The following ATRNL1 variants were observed in gnomAD, a reference collection of about 807,000 sequenced individuals.
ATRNL1 encodes attractin like 1.
A neutral mutation model predicts 182.7 loss-of-function variants in ATRNL1; 95 were observed. The observed-to-expected ratio is 0.52, with a 90% CI of 0.44 to 0.62. ATRNL1 has a LOEUF of 0.62. ATRNL1 is among the 20% of genes least tolerant of loss of function. The probability of loss-of-function intolerance (pLI) is 0.00; values close to 1 mark genes in which losing one functional copy is unlikely to be tolerated. For synonymous variants in ATRNL1, 576 were observed against 568.3 expected, an observed-to-expected ratio of 1.01 and a Z score of -0.19; for missense variants, 1,471 against 1,679.5, an observed-to-expected ratio of 0.88 and a Z score of 2.17.
At chr10:115,107,998 T>C (rs1268800426) in intron 1 of ATRNL1, among the ~76,000 whole-genome samples, 1 of 152,174 alleles carries the variant, frequency 6.6e-6, no homozygotes, top group African/African-American at 2.4e-5. Context: ...CTTCAAGATC[T>C]CTTTCTATCT....
chr10:115,471,356 A>G (rs1554972081), intron 24 of ATRNL1, among the ~76,000 whole-genome samples: 1 of 150,974 alleles, frequency 6.6e-6, no homozygotes. Context: ...CTTTGAATAT[A>G]TCCCCAGTGG....
chr10:115,166,809 G>C (rs1554884467), intron 7 of ATRNL1, among the ~76,000 whole-genome samples: 1 of 151,894 alleles, frequency 6.6e-6, no homozygotes, highest in Non-Finnish European at 1.5e-5. Context: ...CACCTTATCA[G>C]AATATGATTT....
intron 8 of ATRNL1, among the ~76,000 whole-genome samples, chr10:115,188,152 A>G (rs1848027703): frequency 6.6e-6 from 1 of 151,992 alleles, no homozygotes; most frequent in Admixed American, 6.6e-5. Context: ...AATATTGACA[A>G]TTAGGGAATC....
intron 10 of ATRNL1, among the ~76,000 whole-genome samples, chr10:115,247,656 C>A (rs1850703233): frequency 2.0e-5 from 3 of 152,114 alleles, no homozygotes; most frequent in Admixed American, 2.0e-4. Context: ...TACGATCCAG[C>A]AATACCACCA....
rs114910594 is a variant in ATRNL1, at chr10:115,856,774, G to T, written c.4018+8783G>T. ...CGACAGGAGGCGGAGCTCAGGCTGT[G>T]ATGTTCACTCACACCCACCCATTGC... is the stretch of plus-strand genomic sequence containing the variant. On this transcript the variant is annotated intron_variant, in intron 28 of 28. Transcript: ENST00000355044. Among the ~76,000 whole-genome samples the T allele has an allele frequency of 8.2e-4, 125 of 152,260 alleles. 1 individual carries two copies. Among genetic ancestry groups the T allele is most frequent in the African/African-American group, 3.0e-3 (123 of 41,548 alleles).
chr10:115,404,624 C>G (rs1442039817), intron 20 of ATRNL1, among the ~76,000 whole-genome samples: 1 of 152,156 alleles, frequency 6.6e-6, no homozygotes, highest in Non-Finnish European at 1.5e-5. Flanking sequence ...CATATTCTTC[C>G]ATGAGTAATT....
At chr10:115,917,664 T>C (rs1462929942) in intron 28 of ATRNL1, among the ~76,000 whole-genome samples, 1 of 152,142 alleles carries the variant, frequency 6.6e-6, no homozygotes, top group Non-Finnish European at 1.5e-5. Context: ...AAAGCTCATA[T>C]GTGATTAATA....
intron 19 of ATRNL1, among the ~76,000 whole-genome samples, chr10:115,385,116 G>T (rs1554952252): frequency 6.6e-6 from 1 of 151,936 alleles, no homozygotes; most frequent in East Asian, 1.9e-4. Context: ...CACCTTATAG[G>T]AAATTGTCAA....
chr10:115,739,673 A>G (rs1555067119), intron 27 of ATRNL1, among the ~76,000 whole-genome samples: 1 of 152,222 alleles, frequency 6.6e-6, no homozygotes, highest in East Asian at 1.9e-4. Flanking sequence ...ATCCTAATTA[A>G]TACAACTTTC....
intron 18 of ATRNL1, among the ~76,000 whole-genome samples, chr10:115,329,470 G>T (rs529405759): frequency 2.0e-4 from 31 of 152,168 alleles, no homozygotes; most frequent in African/African-American, 7.5e-4. Context: ...CGATTGCTGA[G>T]AGTTGGGTGT....
intron 25 of ATRNL1, among the ~76,000 whole-genome samples, chr10:115,531,653 T>C (rs2133748400): frequency 6.6e-6 from 1 of 151,202 alleles, no homozygotes; most frequent in East Asian, 1.9e-4. Context: ...TTTGTCAATT[T>C]TGGCTTTTGT....
intron 19 of ATRNL1, among the ~76,000 whole-genome samples, chr10:115,373,116 T>G (rs1347141652): frequency 6.6e-6 from 1 of 152,140 alleles, no homozygotes; most frequent in Non-Finnish European, 1.5e-5. Context: ...AAGTATTTTA[T>G]TTTTCATAGC....
intron 8 of ATRNL1, 98 bp downstream of exon 8, chr10:115,171,390 G>A: frequency 9.0e-7 from 1 of 1,115,910 alleles, no homozygotes; most frequent in Non-Finnish European, 1.2e-6. Flanking sequence ...TGAGTTATTT[G>A]AGATTGAAAT....
intron 26 of ATRNL1, among the ~76,000 whole-genome samples, chr10:115,726,141 T>A (rs1947589711): frequency 6.6e-6 from 1 of 152,144 alleles, no homozygotes; most frequent in Non-Finnish European, 1.5e-5. Context: ...AATAAACTTG[T>A]GTTTAAATAA....
At chr10:115,246,468 C>T (rs1016928537) in intron 10 of ATRNL1, among the ~76,000 whole-genome samples, 2 of 152,000 alleles carry the variant, frequency 1.3e-5, no homozygotes, top group African/African-American at 4.8e-5. Flanking sequence ...GTCCCCCTCC[C>T]GAATAAGTTG....
intron 14 of ATRNL1, among the ~76,000 whole-genome samples, chr10:115,281,999 T>TA (rs1852383047): frequency 6.8e-6 from 1 of 146,908 alleles, no homozygotes. Flanking sequence ...CCCAGGGTTT[T>TA]AAAAATATTA....
intron 6 of ATRNL1, 38 bp downstream of exon 6, chr10:115,160,252 C>G: frequency 6.6e-7 from 1 of 1,526,008 alleles, no homozygotes. Flanking sequence ...GTTTTTTAAG[C>G]TGGATTTTTA....
At position 115,731,626 on chromosome 10, in the gene ATRNL1, CAATAGTTATTATATTT is replaced by C. The variant is rs1458672149; in HGVS notation, c.3903+4273_3903+4288del. On this transcript the variant is annotated intron_variant, in intron 27 of 28. Transcript: ENST00000355044. ...CTTTATTGAAATATAGAACATATACCAATAGTTATTATATTTATATTTAATATATATAATGTTCTAA... is the reference window on the plus strand; with the variant it reads ...CTTTATTGAAATATAGAACATATACCATATTTAATATATATAATGTTCTAA... Among the ~76,000 whole-genome samples, 4 of 148,938 alleles carry C rather than the reference CAATAGTTATTATATTT, an allele frequency of 2.7e-5. No individual in the cohort carries two copies. The East Asian group carries it at 5.9e-4, about 22-fold the overall frequency.
chr10:115,583,916 A>T (rs1555008764), intron 26 of ATRNL1, among the ~76,000 whole-genome samples: 1 of 151,504 alleles, frequency 6.6e-6, no homozygotes, highest in East Asian at 2.0e-4. Context: ...TTATTTTGAG[A>T]TACGTCCCAT....
Sources: allele counts gnomAD v4.1 joint callset (sites outside exome capture counted in the v4.1 genomes callset), GRCh38; gene constraint gnomAD v4.1.1; transcripts MANE v1.5; gene names NCBI Gene and HGNC (gene_info 2026-07-23, HGNC 2026-07-21).